ICE1: variants seen among roughly 807,000 people sequenced by gnomAD.
ICE1 encodes the protein interactor of little elongation complex ELL subunit 1.
A neutral mutation model predicts 192.7 loss-of-function variants in ICE1; 64 were observed. The ratio of observed to expected loss-of-function variants is 0.33; its 90% CI spans 0.27 to 0.41. The LOEUF (loss-of-function observed/expected upper bound fraction) is 0.41. Among genes scored for constraint, ICE1 ranks in the 10% least tolerant of loss-of-function variants. ICE1 has a pLI of 1.00. For synonymous variants in ICE1, 1,010 were observed against 984.5 expected, an observed-to-expected ratio of 1.03 and a Z score of -0.49; for missense variants, 2,708 against 2,696.0, an observed-to-expected ratio of 1.00 and a Z score of -0.10.
At chr5:5,430,402 T>G (rs1737668980) in intron 1 of ICE1, among the ~76,000 whole-genome samples, 1 of 152,258 alleles carries the variant, frequency 6.6e-6, no homozygotes, top group African/African-American at 2.4e-5. Context: ...GGAAATAATG[T>G]TAGTCAGAGA....
chr5:5,430,972 A>C (rs1050442307), intron 1 of ICE1, among the ~76,000 whole-genome samples: 4 of 152,256 alleles, frequency 2.6e-5, no homozygotes, highest in Admixed American at 6.5e-5. Flanking sequence ...ATAGTATGCC[A>C]GTTATTTAAA....
At chr5:5,473,815 G>A in intron 16 of ICE1, 67 bp downstream of exon 16, 1 of 1,171,116 alleles carries the variant, frequency 8.5e-7, no homozygotes, top group Non-Finnish European at 1.2e-6. Context: ...ACACTGAATT[G>A]TGGCTTGAAT....
rs1461001167 is a variant in ICE1 at position 5,462,189 on chromosome 5, C to T, written c.2855C>T (p.Ser952Phe). The change falls in exon 13 of 19, where the codon TCC (serine) becomes TTC (phenylalanine). Residue 952 changes from serine to phenylalanine, a missense_variant. Around this residue, in one of 2 missense-constraint regions of ICE1, gnomAD observed 2,366 missense variants for 2,276.6 expected, o/e 1.04. Coordinates refer to ENST00000296564, the MANE Select transcript of ICE1 (RefSeq NM_015325.3). The part of the protein sequence containing the change: ...GSSPVENSDC[S>F]TNSRLSFSPE... Reference sequence around the variant, plus strand: ...TCACCAGTAGAAAATTCTGATTGTTCCACAAATAGCAGATTATCTTTCTCT... The same window carrying T: ...TCACCAGTAGAAAATTCTGATTGTTTCACAAATAGCAGATTATCTTTCTCT... 1.9e-6 allele frequency: 3 copies of T among 1,611,650 alleles called. No homozygotes were observed. The highest frequency in any genetic ancestry group is 1.1e-5 in the South Asian group (1 of 90,838).
chr5:5,458,274 G>T lies in ICE1; in HGVS notation c.1101+533G>T, dbSNP rs539934672. Among the ~76,000 whole-genome samples, 7 of 152,264 alleles carry T rather than the reference G, an allele frequency of 4.6e-5. No homozygotes were observed. The South Asian group carries it at 1.4e-3, about 32-fold the overall frequency. ...GGAACAGATATGTGTTTTGCTCCTG[G>T]AATCAGTTTCTTTCTTTATGAAAAC... On this transcript the variant is annotated intron_variant, in intron 12 of 18. Transcript: ENST00000296564.
intron 14 of ICE1, 49 bp downstream of exon 14, chr5:5,466,551 T>A (rs1175442495): frequency 6.8e-7 from 1 of 1,476,388 alleles, no homozygotes; most frequent in Non-Finnish European, 9.2e-7. Context: ...CGATTGCCTT[T>A]TTCCCTTATA....
At chr5:5,424,907 TTG>T (rs570082453) in intron 1 of ICE1, among the ~76,000 whole-genome samples, 159 of 152,100 alleles carry the variant, frequency 1.0e-3, no homozygotes, top group Non-Finnish European at 1.8e-3. Flanking sequence ...GAGGGCCTGA[TTG>T]TGTGGGCTCC....
In ICE1 at chr5:5,490,111, T is replaced by C. The variant is rs1739755926; in HGVS notation, c.*781T>C. Reference sequence around the variant, plus strand: ...CACTTTGGGAATTTTAGTATTTGTATATAGAAAATGGGTTTAATAACTCAC... The same window carrying C: ...CACTTTGGGAATTTTAGTATTTGTACATAGAAAATGGGTTTAATAACTCAC... On this transcript the variant is annotated 3_prime_UTR_variant, in exon 19 of 19. Coordinates refer to ENST00000296564, the MANE Select transcript of ICE1 (RefSeq NM_015325.3). 1 of 152,224 alleles carries C rather than the reference T, an allele frequency of 6.6e-6. No individual in the cohort carries two copies. The highest frequency in any genetic ancestry group is 1.5e-5 in the Non-Finnish European group (1 of 68,034). The allele number at this position is 152,224 out of a possible 1,614,324, so 9.4% of individuals were successfully genotyped here.
At position 5,461,614 on chromosome 5, in the gene ICE1, G is replaced by A; in HGVS notation, c.2280G>A (p.Glu760=). 6 of 1,613,382 alleles carry A rather than the reference G, an allele frequency of 3.7e-6. No homozygotes were observed. Among genetic ancestry groups the A allele is most frequent in the Non-Finnish European group, 5.1e-6 (6 of 1,179,634 alleles). The stretch of plus-strand genomic sequence containing the variant: ...GTGAAAGTCAAGATCCAAGAATTGA[G>A]CTCACACTAAATAAGCCAGATTTCA... ...GQCESQDPRI[E]LTLNKPDFTS... Residue 760 remains glutamate, a synonymous_variant, in exon 13 of 19, where the codon GAG becomes GAA. Transcript: ENST00000296564.
In ICE1 at chr5:5,462,892, T is replaced by C. The variant is rs1738842474; in HGVS notation, c.3558T>C (p.Asp1186=). Residue 1186 remains aspartate, a synonymous_variant, in exon 13 of 19, where the codon GAT becomes GAC. Transcript: ENST00000296564. Reference sequence around the variant, plus strand: ...TTCTTGAGAGCTGTCAGTTAGGGGATTATAGTTCAGGGGACTCTGTTTCTG... The same window carrying C: ...TTCTTGAGAGCTGTCAGTTAGGGGACTATAGTTCAGGGGACTCTGTTTCTG... ...VMFLESCQLG[D]YSSGDSVSEC... 1 of 1,609,094 alleles carries C rather than the reference T, an allele frequency of 6.2e-7. No individual in the cohort carries two copies. The highest frequency in any genetic ancestry group is 2.2e-5 in the East Asian group (1 of 44,834).
At chr5:5,457,118 A>C (rs1159911952) in intron 11 of ICE1, among the ~76,000 whole-genome samples, 1 of 152,106 alleles carries the variant, frequency 6.6e-6, no homozygotes, top group African/African-American at 2.4e-5. Flanking sequence ...TGTCTGTCTC[A>C]CTTTTCTTAC....
rs746103617 is a variant in ICE1 at position 5,462,933 on chromosome 5, G to T, written c.3599G>T (p.Gly1200Val). The T allele has an allele frequency of 5.0e-6, 8 of 1,610,436 alleles. No individual in the cohort carries two copies. The African/African-American group carries it at 1.1e-4, about 22-fold the overall frequency. The part of the protein sequence containing the change: ...GDSVSECSSK[G>V]TLSKEMNKEL... Reference sequence around the variant, plus strand: ...TCTGTTTCTGAATGTTCTAGTAAAGGAACCCTAAGTAAAGAAATGAACAAA... The same window carrying T: ...TCTGTTTCTGAATGTTCTAGTAAAGTAACCCTAAGTAAAGAAATGAACAAA... Residue 1200 changes from glycine to valine, a missense_variant, in exon 13 of 19, where the codon GGA (glycine) becomes GTA (valine). Physicochemically the swap from Gly to Val is moderately radical, Grantham distance 109. Transcript: ENST00000296564.
At chr5:5,436,290 A>G in intron 1 of ICE1, 128 bp from the exon 2 acceptor site, 1 of 577,394 alleles carries the variant, frequency 1.7e-6, no homozygotes, top group Non-Finnish European at 2.9e-6. Flanking sequence ...ACACAATATA[A>G]GTAATGCATT....
chr5:5,432,389 G>A (rs192400597), intron 1 of ICE1, among the ~76,000 whole-genome samples: 1 of 152,328 alleles, frequency 6.6e-6, no homozygotes, highest in East Asian at 1.9e-4. Context: ...AATAATTCCT[G>A]TTGTATGGAT....
At chr5:5,475,115 G>C (rs920438250) in intron 16 of ICE1, among the ~76,000 whole-genome samples, 1 of 152,156 alleles carries the variant, frequency 6.6e-6, no homozygotes, top group Non-Finnish European at 1.5e-5. Context: ...GCAGGGCCCT[G>C]CTGGCCCCAG....
At chr5:5,429,002 G>A (rs550929352) in intron 1 of ICE1, among the ~76,000 whole-genome samples, 1 of 152,290 alleles carries the variant, frequency 6.6e-6, no homozygotes, top group South Asian at 2.1e-4. Flanking sequence ...TTCTTACAGG[G>A]AAAGCATACA....
rs187701670 is a variant in ICE1, at chr5:5,487,779, G to A, written c.6619+960G>A. On this transcript the variant is annotated intron_variant, in intron 18 of 18. Coordinates refer to ENST00000296564, the MANE Select transcript of ICE1 (RefSeq NM_015325.3). ...TAACCTAGAAGCTGTGGTAATCCTC[G>A]TCCCCATGAGGGAGAAGGAGGAGCT... is the stretch of plus-strand genomic sequence containing the variant. Among the ~76,000 whole-genome samples the A allele has an allele frequency of 2.2e-3, 340 of 152,272 alleles. 1 individual carries two copies. Among genetic ancestry groups the A allele is most frequent in the Non-Finnish European group, 4.0e-3 (273 of 68,022 alleles).
chr5:5,435,657 G>GTT (rs869296400), intron 1 of ICE1, among the ~76,000 whole-genome samples: 11 of 114,280 alleles, frequency 9.6e-5, no homozygotes, highest in Non-Finnish European at 1.5e-4. Context: ...CCAAATTTGT[G>GTT]TTTTTTTTTT....
intron 1 of ICE1, among the ~76,000 whole-genome samples, chr5:5,429,423 TG>T (rs1158505742): frequency 6.6e-6 from 1 of 152,186 alleles, no homozygotes; most frequent in East Asian, 1.9e-4. Context: ...TCAGGCCTGC[TG>T]GGTTAATTGT....
Position 5,464,271 on chromosome 5 carries a change from C to A in ICE1, c.4937C>A (p.Thr1646Asn). The change falls in exon 13 of 19, where the codon ACT becomes AAT. Residue 1646 changes from threonine to asparagine, a missense_variant. This residue lies in a region of ICE1 where 2,366 missense variants were observed against 2,276.6 expected (regional missense o/e 1.04). Transcript: ENST00000296564. The surrounding 1 kb of genome is among the most constrained non-coding windows in gnomAD (Gnocchi z 4.0). ...LAPLIATPPR[T>N]SQPLSPLISS... Reference sequence around the variant, plus strand: ...CCTCTGATAGCTACACCTCCAAGGACTTCACAGCCACTGTCTCCACTGATA... The same window carrying A: ...CCTCTGATAGCTACACCTCCAAGGAATTCACAGCCACTGTCTCCACTGATA... 6.2e-7 allele frequency: 1 copy of A among 1,613,628 alleles called. No individual in the cohort carries two copies. The highest frequency in any genetic ancestry group is 8.5e-7 in the Non-Finnish European group (1 of 1,179,824).
Sources: allele counts gnomAD v4.1 joint callset (sites outside exome capture counted in the v4.1 genomes callset), GRCh38; gene constraint gnomAD v4.1.1; regional missense constraint gnomAD v4.1.1; non-coding constraint Gnocchi (gnomAD v3.1); transcripts MANE v1.5; gene names NCBI Gene and HGNC (gene_info 2026-07-23, HGNC 2026-07-21).